Variants in PRMT3 observed in about 807,000 individuals in gnomAD.
PRMT3 encodes the protein protein arginine methyltransferase 3.
In PRMT3, 62 loss-of-function variants were observed where a neutral mutation model predicts 71.9. That is an observed-to-expected ratio of 0.86 (90% CI 0.70 to 1.07). PRMT3 has a LOEUF of 1.07. Among genes scored for constraint, PRMT3 ranks in the 50% least tolerant of loss-of-function variants. The pLI, the probability that PRMT3 is intolerant of heterozygous loss-of-function variation, is 0.00. For synonymous variants in PRMT3, 213 were observed against 220.4 expected, an observed-to-expected ratio of 0.97 and a Z score of 0.30; for missense variants, 663 against 643.0, an observed-to-expected ratio of 1.03 and a Z score of -0.34.
At chr11:20,503,058 A>T (rs1408942914) in intron 15 of PRMT3, among the ~76,000 whole-genome samples, 2 of 121,438 alleles carry the variant, frequency 1.6e-5, no homozygotes, top group Admixed American at 1.6e-4. Flanking sequence ...ATCCTAAAGA[A>T]TCAATTCAAA....
At chr11:20,488,296 TTA>T (rs368076997) in intron 13 of PRMT3, among the ~76,000 whole-genome samples, 2 of 152,176 alleles carry the variant, frequency 1.3e-5, no homozygotes, top group African/African-American at 4.8e-5. Flanking sequence ...CTCGTATAGC[TTA>T]TGTTTGTATT....
At chr11:20,419,918 T>A (rs966759117) in intron 9 of PRMT3, among the ~76,000 whole-genome samples, 4 of 152,210 alleles carry the variant, frequency 2.6e-5, no homozygotes, top group African/African-American at 9.6e-5. Flanking sequence ...ACGCCTGTAA[T>A]TCCAATACTT....
intron 15 of PRMT3, 29 bp downstream of exon 15, chr11:20,494,283 C>T (rs754900371): frequency 3.4e-6 from 5 of 1,466,890 alleles, no homozygotes; most frequent in Non-Finnish European, 4.8e-6. Context: ...GGGGAAGTAT[C>T]TTATTCATTC....
At chr11:20,480,306 GTA>G (rs1221632791) in intron 13 of PRMT3, among the ~76,000 whole-genome samples, 1 of 152,180 alleles carries the variant, frequency 6.6e-6, no homozygotes, top group East Asian at 1.9e-4. Flanking sequence ...CTCTGTGTGT[GTA>G]TGTGTGTTCT....
intron 15 of PRMT3, among the ~76,000 whole-genome samples, chr11:20,508,089 G>A (rs966157270): frequency 6.8e-6 from 1 of 147,686 alleles, no homozygotes; most frequent in Non-Finnish European, 1.5e-5. Context: ...CTGGGAGAAT[G>A]CAGTGAGCTG....
At chr11:20,398,184 A>G (rs966728908) in intron 7 of PRMT3, among the ~76,000 whole-genome samples, 7 of 152,156 alleles carry the variant, frequency 4.6e-5, no homozygotes, top group Non-Finnish European at 7.3e-5. Flanking sequence ...ATTAAATTAT[A>G]TATTACCTTT....
chr11:20,442,921 G>C (rs1182103681), intron 10 of PRMT3, among the ~76,000 whole-genome samples: 1 of 152,192 alleles, frequency 6.6e-6, no homozygotes, highest in African/African-American at 2.4e-5. Flanking sequence ...TGAGGGCTGG[G>C]CATGATGGCT....
In PRMT3 at chr11:20,508,352, C is replaced by A. The variant is rs1439893423; in HGVS notation, c.1535C>A (p.Pro512Gln). 6.2e-7 allele frequency: 1 copy of A among 1,612,450 alleles called. No individual in the cohort carries two copies. The highest frequency in any genetic ancestry group is 1.7e-4 in the Middle Eastern group (1 of 6,060). The part of the protein sequence containing the change: ...KVTVHKNKKD[P>Q]RSLTVTLTLN... Reference sequence around the variant, plus strand: ...ACAGTTCACAAGAATAAGAAAGATCCACGTTCTCTCACCGTGACCCTCACG... The same window carrying A: ...ACAGTTCACAAGAATAAGAAAGATCAACGTTCTCTCACCGTGACCCTCACG... Residue 512 changes from proline (P) to glutamine (Q), a missense_variant, in exon 16 of 16, where the codon CCA (proline) becomes CAA (glutamine). Pro to Gln is a moderately conservative substitution (Grantham distance 76). Transcript: ENST00000331079.
intron 13 of PRMT3, among the ~76,000 whole-genome samples, chr11:20,489,414 C>G (rs898940151): frequency 6.6e-6 from 1 of 152,132 alleles, no homozygotes; most frequent in South Asian, 2.1e-4. Context: ...TGATCTTTTA[C>G]GAGCATATGT....
At chr11:20,419,436 C>T (rs1420731700) in intron 9 of PRMT3, among the ~76,000 whole-genome samples, 3 of 152,162 alleles carry the variant, frequency 2.0e-5, no homozygotes, top group Non-Finnish European at 4.4e-5. Context: ...TGAAAGTCTT[C>T]TCTCATTCGT....
At chr11:20,443,697 A>T (rs904673664) in intron 10 of PRMT3, among the ~76,000 whole-genome samples, 55 of 152,132 alleles carry the variant, frequency 3.6e-4, no homozygotes, top group African/African-American at 1.1e-3. Context: ...CTTGGGAAAG[A>T]TTTTTAGAGA....
At chr11:20,443,447 G>A (rs558496356) in intron 10 of PRMT3, among the ~76,000 whole-genome samples, 8 of 152,230 alleles carry the variant, frequency 5.3e-5, no homozygotes, top group South Asian at 2.1e-4. Context: ...CTCCATGTTC[G>A]TTGACTACAT....
intron 15 of PRMT3, among the ~76,000 whole-genome samples, chr11:20,503,515 A>C (rs530647554): frequency 6.6e-6 from 1 of 152,172 alleles, no homozygotes; most frequent in Non-Finnish European, 1.5e-5. Context: ...TCAGTCCCCA[A>C]CCGTGATTCC....
Position 20,391,252 on chromosome 11 carries a change from G to GT in PRMT3, c.248-949dup, listed in dbSNP as rs986509431. 7.4e-4 allele frequency among the ~76,000 whole-genome samples: 110 copies of GT among 147,880 alleles called. 1 individual carries two copies. Among genetic ancestry groups the GT allele is most frequent in the Admixed American group, 3.2e-3 (48 of 14,784 alleles). On this transcript the variant is annotated intron_variant, in intron 3 of 15. Coordinates refer to ENST00000331079, the MANE Select transcript of PRMT3 (RefSeq NM_005788.4). ...TCATTTTTTAATGTTTTTTGTTTTT[G>GT]TTTTTTTTTTGAGACGGAGTCTCGC...
intron 10 of PRMT3, among the ~76,000 whole-genome samples, chr11:20,434,209 C>A (rs1307468956): frequency 6.6e-6 from 1 of 152,116 alleles, no homozygotes; most frequent in African/African-American, 2.4e-5. Flanking sequence ...CCTTTGCCCA[C>A]CTTTTAATGG....
rs148018831 is a variant in PRMT3, at chr11:20,397,605, A to G, written c.589A>G (p.Thr197Ala). ...ATTTGCTCAGGATTTTGTGATGCAC[A>G]CAGATGTCAGAACCTGCTCGTCATC... ...KQFAQDFVMHTDVRTCSSSTS... is the reference protein window; with the variant it reads ...KQFAQDFVMHADVRTCSSSTS... Residue 197 changes from threonine to alanine, a missense_variant, in exon 7 of 16, where the codon ACA (threonine) becomes GCA (alanine). Coordinates refer to ENST00000331079, the MANE Select transcript of PRMT3 (RefSeq NM_005788.4). The G allele has an allele frequency of 4.9e-5, 79 of 1,614,154 alleles. 1 individual carries two copies. The African/African-American group carries it at 7.5e-4, about 15-fold the overall frequency.
chr11:20,493,824 G>T (rs1024537336), intron 13 of PRMT3, 95 bp from the exon 14 acceptor site: 1 of 813,202 alleles, frequency 1.2e-6, no homozygotes. Flanking sequence ...TCTCTGAAAT[G>T]GTTTATCATT....
At chr11:20,485,830 C>G (rs1851058994) in intron 13 of PRMT3, among the ~76,000 whole-genome samples, 1 of 152,162 alleles carries the variant, frequency 6.6e-6, no homozygotes, top group Non-Finnish European at 1.5e-5. Flanking sequence ...AAGAAGTCAA[C>G]ATAACCTAAA....
At chr11:20,480,623 A>C (rs1850908450) in intron 13 of PRMT3, among the ~76,000 whole-genome samples, 1 of 152,140 alleles carries the variant, frequency 6.6e-6, no homozygotes, top group Non-Finnish European at 1.5e-5. Context: ...AGACCACCAG[A>C]GTGGATGTGG....
Sources: allele counts gnomAD v4.1 joint callset (sites outside exome capture counted in the v4.1 genomes callset), GRCh38; gene constraint gnomAD v4.1.1; transcripts MANE v1.5; gene names NCBI Gene and HGNC (gene_info 2026-07-23, HGNC 2026-07-21).